TBL1XR1: variants seen among roughly 807,000 people sequenced by gnomAD.
TBL1XR1 encodes the protein F-box-like/WD repeat-containing protein TBL1XR1.
In TBL1XR1, 5 loss-of-function variants were observed where a neutral mutation model predicts 66.9. That is an observed-to-expected ratio of 0.07 (90% CI 0.04 to 0.16). The LOEUF (loss-of-function observed/expected upper bound fraction) is 0.16, where lower values mean the gene tolerates loss of function less well. Ranked by LOEUF, TBL1XR1 falls within the 10% of genes least tolerant of loss-of-function variation. TBL1XR1 has a pLI of 1.00. For missense variants in TBL1XR1, 238 were observed against 623.2 expected (o/e 0.38, Z 6.58); for synonymous variants, 210 against 206.0 (o/e 1.02, Z -0.17).
intron 1 of TBL1XR1, among the ~76,000 whole-genome samples, chr3:177,187,421 C>T (rs1029418042): frequency 2.7e-5 from 4 of 149,960 alleles, no homozygotes; most frequent in African/African-American, 9.8e-5. Flanking sequence ...ATCCTAGGAT[C>T]TTAATAAAGG....
intron 1 of TBL1XR1, among the ~76,000 whole-genome samples, chr3:177,101,436 A>C (rs925212924): frequency 6.6e-6 from 1 of 152,116 alleles, no homozygotes; most frequent in Non-Finnish European, 1.5e-5. Context: ...TGTGTTGGAG[A>C]CTTAATCCCC....
At position 177,021,527 on chromosome 3, in the gene TBL1XR1, T is replaced by C. The variant is rs1712357079; in HGVS notation, c.*3971A>G. The C allele has an allele frequency of 1.3e-5, 2 of 152,584 alleles. No homozygotes were observed. The highest frequency in any genetic ancestry group is 2.9e-5 in the Non-Finnish European group (2 of 67,990). 9.5% of individuals were successfully genotyped at this position (152,584 alleles called of 1,614,324 possible). A position where few individuals can be genotyped will look rare whatever the true frequency, so the allele number is the denominator to read the frequency against. Reference sequence around the variant, plus strand: ...TAAAAAAGTGAACACTTCCTCTTTCTTCTCTCTTCTACATTTAACTAGAAT... The same window carrying C: ...TAAAAAAGTGAACACTTCCTCTTTCCTCTCTCTTCTACATTTAACTAGAAT... On this transcript the variant is annotated 3_prime_UTR_variant, in exon 16 of 16. Coordinates refer to ENST00000457928, the MANE Select transcript of TBL1XR1 (RefSeq NM_024665.7).
rs377393482 is a variant in TBL1XR1, at chr3:177,050,003, A to G, written c.696T>C (p.Asp232=). The G allele has an allele frequency of 1.2e-6, 2 of 1,613,382 alleles. No individual in the cohort carries two copies. Among genetic ancestry groups the G allele is most frequent in the South Asian group, 1.1e-5 (1 of 91,068 alleles). ...TGGATATAGTGATACTCACATTCCA[A>G]TCTAGAGATGTGACATCCTTGTTGC... ...VPSNKDVTSL[D]WNSEGTLLAT... The change falls in exon 7 of 16, where the codon GAT becomes GAC. Residue 232 remains aspartate (D), a synonymous_variant. Transcript: ENST00000457928.
intron 1 of TBL1XR1, among the ~76,000 whole-genome samples, chr3:177,171,909 G>A (rs1483863747): frequency 6.6e-6 from 1 of 152,032 alleles, no homozygotes. Context: ...CCTGAAAGAG[G>A]TGCCAGTGGC....
intron 2 of TBL1XR1, among the ~76,000 whole-genome samples, chr3:177,080,754 G>GT: frequency 1.3e-5 from 2 of 152,230 alleles, no homozygotes; most frequent in East Asian, 3.9e-4. Flanking sequence ...AAAAACTGTG[G>GT]TTTTCTAACT....
At chr3:177,177,216 C>T (rs1734260809) in intron 1 of TBL1XR1, among the ~76,000 whole-genome samples, 1 of 152,076 alleles carries the variant, frequency 6.6e-6, no homozygotes, top group Non-Finnish European at 1.5e-5. Context: ...CTTTGGGAGT[C>T]CAAAGCAGGC....
At chr3:177,125,330 G>A (rs1727478082) in intron 1 of TBL1XR1, among the ~76,000 whole-genome samples, 1 of 152,092 alleles carries the variant, frequency 6.6e-6, no homozygotes, top group Non-Finnish European at 1.5e-5. Flanking sequence ...CAGGAGAAAT[G>A]CAGAACAAAA....
At chr3:177,057,834 A>C (rs1405598096) in intron 3 of TBL1XR1, among the ~76,000 whole-genome samples, 1 of 152,198 alleles carries the variant, frequency 6.6e-6, no homozygotes, top group East Asian at 1.9e-4. Context: ...GGGAGAAGAG[A>C]GACTCCAGAA....
chr3:177,055,557 G>A (rs1717696268), intron 3 of TBL1XR1, among the ~76,000 whole-genome samples: 1 of 150,188 alleles, frequency 6.7e-6, no homozygotes, highest in Admixed American at 6.6e-5. Context: ...GGCGGGGCGG[G>A]GGTGGGGGGG....
intron 1 of TBL1XR1, among the ~76,000 whole-genome samples, chr3:177,162,230 T>G (rs2108892444): frequency 6.6e-6 from 1 of 152,334 alleles, no homozygotes; most frequent in East Asian, 1.9e-4. Context: ...TATGCGTGTG[T>G]ATCAATGAAA....
At chr3:177,174,362 T>C (rs1250002855) in intron 1 of TBL1XR1, among the ~76,000 whole-genome samples, 12 of 130,228 alleles carry the variant, frequency 9.2e-5, no homozygotes, top group Admixed American at 4.1e-4. Context: ...TGAGCTGAGA[T>C]AGTGCCACTG....
intron 1 of TBL1XR1, among the ~76,000 whole-genome samples, chr3:177,179,908 G>A (rs986003177): frequency 6.6e-6 from 1 of 152,048 alleles, no homozygotes; most frequent in African/African-American, 2.4e-5. Flanking sequence ...ACACAAAAAA[G>A]GGAACAAACC....
chr3:177,087,137 G>A (rs1394053369), intron 2 of TBL1XR1: 2 of 148,458 alleles, frequency 1.3e-5, no homozygotes, highest in African/African-American at 2.5e-5. Context: ...CCAAGTAGAA[G>A]TGAACCCACA....
chr3:177,062,402 A>C (rs761213567), intron 3 of TBL1XR1, among the ~76,000 whole-genome samples: 22 of 152,222 alleles, frequency 1.4e-4, no homozygotes, highest in Non-Finnish European at 2.8e-4. Context: ...GGCATTTGTA[A>C]AATGCAGATT....
intron 7 of TBL1XR1, chr3:177,047,825 CA>C: frequency 1.1e-5 from 4 of 377,414 alleles, no homozygotes; most frequent in South Asian, 1.1e-4. Context: ...TCATGCATGC[CA>C]AAAGTATTCT....
chr3:177,069,389 T>TA (rs1326158486), intron 2 of TBL1XR1, among the ~76,000 whole-genome samples: 1 of 152,022 alleles, frequency 6.6e-6, no homozygotes, highest in East Asian at 1.9e-4. Flanking sequence ...CACATGATGT[T>TA]TATTAAGACT....
At position 177,142,619 on chromosome 3, in the gene TBL1XR1, A is replaced by G. The variant is rs558045368; in HGVS notation, c.-121-44078T>C. 5.3e-5 allele frequency among the ~76,000 whole-genome samples: 8 copies of G among 152,332 alleles called. 1 individual carries two copies. In the South Asian group the frequency reaches 1.7e-3, roughly 32 times the overall value. On this transcript the variant is annotated intron_variant, in intron 1 of 15. Coordinates refer to ENST00000457928, the MANE Select transcript of TBL1XR1 (RefSeq NM_024665.7). ...CCTCAGTAGGAATTTACTTAACACT[A>G]TTGAACTATACATTTTTTAACAGTT...
intron 1 of TBL1XR1, among the ~76,000 whole-genome samples, chr3:177,112,786 C>T (rs1328643619): frequency 1.3e-5 from 2 of 152,086 alleles, no homozygotes; most frequent in South Asian, 4.2e-4. Flanking sequence ...GGGCGGATCA[C>T]GAAGTCAGGA....
At chr3:177,062,011 G>A (rs1170078075) in intron 3 of TBL1XR1, among the ~76,000 whole-genome samples, 1 of 152,148 alleles carries the variant, frequency 6.6e-6, no homozygotes, top group African/African-American at 2.4e-5. Flanking sequence ...CCTGTCCTGA[G>A]TTCACAGAAC....
Sources: allele counts gnomAD v4.1 joint callset (sites outside exome capture counted in the v4.1 genomes callset), GRCh38; gene constraint gnomAD v4.1.1; transcripts MANE v1.5; gene names NCBI Gene and HGNC (gene_info 2026-07-23, HGNC 2026-07-21).